DMD: variants seen among roughly 807,000 people sequenced by gnomAD.
DMD encodes the protein mutant dystrophin.
Under a neutral mutation model 330.1 loss-of-function variants are expected in DMD, and 63 were observed. That is an observed-to-expected ratio of 0.19 (90% CI 0.16 to 0.24). DMD has a LOEUF of 0.24. Among genes scored for constraint, DMD ranks in the 10% least tolerant of loss-of-function variants. The pLI is 1.00. For missense variants in DMD, 3,344 were observed against 2,684.1 expected, an observed-to-expected ratio of 1.25 and a Z score of -5.43; for synonymous variants, 1,223 against 959.8, an observed-to-expected ratio of 1.27 and a Z score of -5.07.
At chrX:32,252,119 A>T (rs1203219719) in intron 43 of DMD, among the ~76,000 whole-genome samples, 2 of 111,698 alleles carry the variant, frequency 1.8e-5, no homozygotes, top group East Asian at 5.7e-4. Flanking sequence ...GTACAACGTA[A>T]AACTTGCCAC....
intron 45 of DMD, among the ~76,000 whole-genome samples, chrX:31,951,131 A>ATATATATATGTGTATATATATATATATG (rs2095161503): frequency 2.6e-5 from 2 of 77,504 alleles, no homozygotes; most frequent in East Asian, 3.8e-4. Context: ...ACATATATAT[A>ATATATATATGTGTATATATATATATATG]TATATATATG....
At chrX:31,489,887 AGT>A (rs1190978254) in intron 57 of DMD, among the ~76,000 whole-genome samples, 1 of 112,090 alleles carries the variant, frequency 8.9e-6, no homozygotes. Context: ...ATTTTGACAA[AGT>A]GAGAGAGAAG....
At chrX:32,743,395 C>G (rs12116214) in intron 7 of DMD, among the ~76,000 whole-genome samples, 16,161 of 110,505 alleles carry the variant, frequency 0.15, 1,295 homozygotes, top group African/African-American at 0.3. Context: ...GCATCTCATC[C>G]CAAATAAACT....
At chrX:32,186,717 G>A (rs937853203) in intron 44 of DMD, among the ~76,000 whole-genome samples, 2 of 110,958 alleles carry the variant, frequency 1.8e-5, no homozygotes, top group African/African-American at 6.5e-5. Context: ...TTATTTGTGT[G>A]AGTTATTAGC....
chrX:31,699,963 G>A lies in DMD; in HGVS notation c.7661-20377C>T, dbSNP rs1199758113. Among the ~76,000 whole-genome samples, 3 of 111,073 alleles carry A rather than the reference G, an allele frequency of 2.7e-5. No individual in the cohort carries two copies. The South Asian group carries it at 1.1e-3, about 43-fold the overall frequency. On this transcript the variant is annotated intron_variant, in intron 52 of 78. Coordinates refer to ENST00000357033, the MANE Select transcript of DMD (RefSeq NM_004006.3). ...AGCACTTTGGGAGGCCGAGGTGAACGGATCATGAGATCAGGAGCTTAAGAT... is the reference window on the plus strand; with the variant it reads ...AGCACTTTGGGAGGCCGAGGTGAACAGATCATGAGATCAGGAGCTTAAGAT...
At chrX:31,144,344 C>T (rs1348867328) in intron 76 of DMD, among the ~76,000 whole-genome samples, 1 of 112,137 alleles carries the variant, frequency 8.9e-6, no homozygotes, top group African/African-American at 3.2e-5. Flanking sequence ...TTGGTCTCAT[C>T]AACTCCATGA....
intron 44 of DMD, among the ~76,000 whole-genome samples, chrX:32,146,670 A>G (rs1698636796): frequency 8.9e-6 from 1 of 112,272 alleles, no homozygotes; most frequent in Non-Finnish European, 1.9e-5. Context: ...AATCTGTCAC[A>G]TATTTCTATA....
Position 32,785,546 on chromosome X carries a change from T to TAA in DMD, c.649+23946_649+23947insTT, listed in dbSNP as rs2075277024. Reference sequence around the variant, plus strand: ...ATTATCATTTCTATTATAATGATTTTGCTTAAAATGTACATTTCTGTTTAT... The same window carrying TAA: ...ATTATCATTTCTATTATAATGATTTTAAGCTTAAAATGTACATTTCTGTTTAT... On this transcript the variant is annotated intron_variant, in intron 7 of 78. Transcript: ENST00000357033. Among the ~76,000 whole-genome samples, 12 of 111,568 alleles carry TAA rather than the reference T, an allele frequency of 1.1e-4. No homozygotes were observed. The South Asian group carries it at 2.2e-3, about 21-fold the overall frequency.
chrX:31,291,969 G>A (rs1455152110), intron 62 of DMD, among the ~76,000 whole-genome samples: 3 of 110,184 alleles, frequency 2.7e-5, no homozygotes, highest in African/African-American at 9.9e-5. Flanking sequence ...GTCAATTCCA[G>A]GTGTACTATA....
intron 7 of DMD, among the ~76,000 whole-genome samples, chrX:32,788,722 A>T (rs1569522012): frequency 9.3e-6 from 1 of 107,207 alleles, no homozygotes; most frequent in Non-Finnish European, 1.9e-5. Flanking sequence ...TGGCATTAAT[A>T]TCAGAGATCA....
intron 51 of DMD, among the ~76,000 whole-genome samples, chrX:31,773,376 A>G (rs1324922611): frequency 8.9e-6 from 1 of 112,227 alleles, no homozygotes; most frequent in Non-Finnish European, 1.9e-5. Context: ...TTTGTATTAA[A>G]AACATGTTCA....
chrX:31,445,053 C>T (rs2065182817), intron 59 of DMD, among the ~76,000 whole-genome samples: 1 of 111,579 alleles, frequency 9.0e-6, no homozygotes, highest in Non-Finnish European at 1.9e-5. Context: ...GTTTCACAAG[C>T]TATCCAATTT....
chrX:31,494,668 C>T, intron 57 of DMD, among the ~76,000 whole-genome samples: 1 of 112,003 alleles, frequency 8.9e-6, no homozygotes, highest in South Asian at 3.7e-4. Flanking sequence ...TTTTACCACT[C>T]TTAACAAGCA....
chrX:31,712,296 T>C (rs1023294733), intron 52 of DMD, among the ~76,000 whole-genome samples: 1 of 111,015 alleles, frequency 9.0e-6, no homozygotes, highest in African/African-American at 3.3e-5. Context: ...ACCTACTAAG[T>C]TATAGTTATC....
In DMD at chrX:32,411,792, G is replaced by A; in HGVS notation, c.4193C>T (p.Ala1398Val). The change falls in exon 30 of 79, where the codon GCA (alanine) becomes GTA (valine). Residue 1398 changes from alanine to valine, a missense_variant. Physicochemically the swap from Ala to Val is moderately conservative, Grantham distance 64. Transcript: ENST00000357033. ...CATTTGAGCTGCGTCCACCTTGTCT[G>A]CAATATAAGCTGCCAACTGCTTGTC... is the stretch of plus-strand genomic sequence containing the variant. ...FIDKQLAAYI[A>V]DKVDAAQMPQ... 8.3e-7 allele frequency: 1 copy of A among 1,211,283 alleles called. No homozygotes were observed. The highest frequency in any genetic ancestry group is 1.1e-6 in the Non-Finnish European group (1 of 895,264).
At chrX:32,665,386 C>A (rs2061237562) in intron 9 of DMD, among the ~76,000 whole-genome samples, 1 of 111,844 alleles carries the variant, frequency 8.9e-6, no homozygotes, top group South Asian at 3.7e-4. Context: ...TGTTGGTAAG[C>A]TAAGTTAAAC....
intron 4 of DMD, among the ~76,000 whole-genome samples, chrX:32,841,942 C>A (rs1200386585): frequency 4.5e-5 from 5 of 112,218 alleles, no homozygotes; most frequent in Non-Finnish European, 9.4e-5. Flanking sequence ...ACAAAGGGCT[C>A]ATATCCAGAA....
intron 67 of DMD, among the ~76,000 whole-genome samples, chrX:31,186,186 C>CA (rs1190087395): frequency 3.6e-5 from 4 of 111,900 alleles, no homozygotes; most frequent in Non-Finnish European, 7.5e-5. Flanking sequence ...TTCCTAGCTG[C>CA]AAAATGGTAT....
chrX:32,228,134 A>G (rs1444428637), intron 43 of DMD, among the ~76,000 whole-genome samples: 1 of 111,628 alleles, frequency 9.0e-6, no homozygotes, highest in Non-Finnish European at 1.9e-5. Flanking sequence ...TAAGTACTCA[A>G]ATAGTTAGAG....
Sources: gnomAD v4.1 joint callset for allele counts (sites outside exome capture counted in the v4.1 genomes callset) on GRCh38, gnomAD v4.1.1 for gene constraint, MANE v1.5 for transcripts, NCBI Gene and HGNC (gene_info 2026-07-23, HGNC 2026-07-21) for gene names.